The following LPP variants were observed in gnomAD, a reference collection of about 807,000 sequenced individuals.
LPP encodes the protein LIM domain containing preferred translocation partner in lipoma.
In LPP, 38 loss-of-function variants were observed where a neutral mutation model predicts 60.4. The ratio of observed to expected loss-of-function variants is 0.63; its 90% confidence interval spans 0.49 to 0.83. The LOEUF (loss-of-function observed/expected upper bound fraction) is 0.83, where lower values mean the gene tolerates loss of function less well. Among genes scored for constraint, LPP ranks in the 40% least tolerant of loss-of-function variants. The pLI, the probability that LPP is intolerant of heterozygous loss-of-function variation, is 0.00. For synonymous variants in LPP, 328 were observed against 290.8 expected, an observed-to-expected ratio of 1.13 and a Z score of -1.30; for missense variants, 902 against 783.6, an observed-to-expected ratio of 1.15 and a Z score of -1.80.
rs200315400 is a variant in LPP at position 188,269,635 on chromosome 3, C to CTT, written c.-67+44116_-67+44117dup. On this transcript the variant is annotated intron_variant, in intron 2 of 11. Transcript: ENST00000617246. ...GTTCTGATTGGCTAGCTGGTTGTGCCTTTTTTTTTATGTGTGTGTGTGTGT... is the reference window on the plus strand; with the variant it reads ...GTTCTGATTGGCTAGCTGGTTGTGCCTTTTTTTTTTTATGTGTGTGTGTGTGT... Among the ~76,000 whole-genome samples the CTT allele has an allele frequency of 6.8e-5, 9 of 132,968 alleles. No individual in the cohort carries two copies. In the South Asian group the frequency reaches 7.4e-4, roughly 11 times the overall value. 87.2% of individuals were successfully genotyped at this position (132,968 alleles called of 152,430 possible). A position where few individuals can be genotyped will look rare whatever the true frequency, so the allele number is the denominator to read the frequency against.
intron 9 of LPP, among the ~76,000 whole-genome samples, chr3:188,854,157 A>T (rs1403697003): frequency 6.6e-6 from 1 of 152,178 alleles, no homozygotes; most frequent in Non-Finnish European, 1.5e-5. Context: ...AGGAGAAAAC[A>T]TCTGTATTTC....
At chr3:188,664,635 G>A (rs182396917) in intron 7 of LPP, among the ~76,000 whole-genome samples, 1 of 152,152 alleles carries the variant, frequency 6.6e-6, no homozygotes, top group African/African-American at 2.4e-5. Flanking sequence ...GTGTGTGTGT[G>A]TGGAGAGAGA....
intron 2 of LPP, among the ~76,000 whole-genome samples, chr3:188,227,569 G>T (rs1718286464): frequency 6.6e-6 from 1 of 152,092 alleles, no homozygotes. Flanking sequence ...GTGAGTGGGT[G>T]ATTCTGCAAA....
chr3:188,605,700 T>C (rs1057342582), intron 6 of LPP, among the ~76,000 whole-genome samples: 1 of 152,152 alleles, frequency 6.6e-6, no homozygotes, highest in African/African-American at 2.4e-5. Context: ...TATTGAGCAA[T>C]ATATTGGGTA....
At chr3:188,389,258 G>A (rs1779109612) in intron 3 of LPP, among the ~76,000 whole-genome samples, 1 of 150,952 alleles carries the variant, frequency 6.6e-6, no homozygotes, top group Non-Finnish European at 1.5e-5. Flanking sequence ...CCAATACCCT[G>A]GAGAGCTTTG....
At chr3:188,251,341 A>G (rs925944987) in intron 2 of LPP, among the ~76,000 whole-genome samples, 1 of 151,808 alleles carries the variant, frequency 6.6e-6, no homozygotes, top group Non-Finnish European at 1.5e-5. Context: ...TTGGTCTTGT[A>G]TATTCTCTGT....
chr3:188,392,980 A>G (rs1026659452), intron 3 of LPP, among the ~76,000 whole-genome samples: 1 of 151,882 alleles, frequency 6.6e-6, no homozygotes, highest in African/African-American at 2.4e-5. Flanking sequence ...AATCCCTTCC[A>G]CCTTTACATT....
chr3:188,592,557 G>GTTGTTTGTTTTTTTTTTTTTTTTT (rs1553936334), intron 6 of LPP, among the ~76,000 whole-genome samples: 13 of 85,768 alleles, frequency 1.5e-4, no homozygotes, highest in East Asian at 4.8e-4. Flanking sequence ...TTTTGTTTTT[G>GTTGTTTGTTTTTTTTTTTTTTTTT]TTTTTTAAAT....
chr3:188,409,557 C>T (rs766559174), intron 4 of LPP, among the ~76,000 whole-genome samples: 1 of 152,014 alleles, frequency 6.6e-6, no homozygotes. Context: ...ATAACCATTC[C>T]TTTTCGTTTC....
chr3:188,607,945 T>G (rs1045296823), intron 6 of LPP, among the ~76,000 whole-genome samples: 15 of 152,196 alleles, frequency 9.9e-5, no homozygotes, highest in Non-Finnish European at 1.3e-4. Context: ...TTATGTGGTA[T>G]TTTTCCATTA....
At position 188,848,482 on chromosome 3, in the gene LPP, G is replaced by C. The variant is rs367988709; in HGVS notation, c.1411-17718G>C. Among the ~76,000 whole-genome samples, 4 of 123,596 alleles carry C rather than the reference G, an allele frequency of 3.2e-5. No individual in the cohort carries two copies. In the East Asian group the frequency reaches 7.7e-4, roughly 24 times the overall value. 81.1% of individuals were successfully genotyped at this position (123,596 alleles called of 152,430 possible). A position where few individuals can be genotyped will look rare whatever the true frequency, so the allele number is the denominator to read the frequency against. ...ATGGGCCAGTCAATAGCAGGGCAGC[G>C]TGTCAAGATGCTGGAGCAAGGAAGT... is the stretch of plus-strand genomic sequence containing the variant. On this transcript the variant is annotated intron_variant, in intron 9 of 11. Coordinates refer to ENST00000617246, the MANE Select transcript of LPP (RefSeq NM_001375462.1).
At chr3:188,653,465 T>G (rs553624317) in intron 7 of LPP, among the ~76,000 whole-genome samples, 3 of 151,964 alleles carry the variant, frequency 2.0e-5, no homozygotes, top group Non-Finnish European at 2.9e-5. Flanking sequence ...TATAGCACTG[T>G]TTTTTTTAAT....
chr3:188,267,002 GA>G (rs1735812855), intron 2 of LPP, among the ~76,000 whole-genome samples: 1 of 152,166 alleles, frequency 6.6e-6, no homozygotes, highest in Non-Finnish European at 1.5e-5. Context: ...CAGAAGAAGA[GA>G]AAAAGCATGT....
intron 10 of LPP, among the ~76,000 whole-genome samples, chr3:188,871,942 T>C (rs556347744): frequency 1.3e-5 from 2 of 152,324 alleles, no homozygotes; most frequent in Non-Finnish European, 2.9e-5. Context: ...TGTATGTGTG[T>C]TAGTATACAC....
In LPP at chr3:188,526,504, T is replaced by C. The variant is rs542313051; in HGVS notation, c.429+1717T>C. Among the ~76,000 whole-genome samples, 4 of 152,248 alleles carry C rather than the reference T, an allele frequency of 2.6e-5. No homozygotes were observed. In the East Asian group the frequency reaches 7.8e-4, roughly 30 times the overall value. ...TGGAGTTTCACCATGTTGGCCAGGC[T>C]TCTCTGGAACTCCTGACCTCAAGCG... On this transcript the variant is annotated intron_variant, in intron 6 of 11. Coordinates refer to ENST00000617246, the MANE Select transcript of LPP (RefSeq NM_001375462.1).
rs376902391 is a variant in LPP at position 188,471,743 on chromosome 3, A to T, written c.194-12849A>T. Among the ~76,000 whole-genome samples the T allele has an allele frequency of 5.4e-4, 83 of 152,326 alleles. 1 individual carries two copies. The South Asian group carries it at 0.016, about 29-fold the overall frequency. Reference sequence around the variant, plus strand: ...AATTATTCTGGGTCTTATTTTACTTATAAATGGTGTATTTATTTAGAATTG... The same window carrying T: ...AATTATTCTGGGTCTTATTTTACTTTTAAATGGTGTATTTATTTAGAATTG... On this transcript the variant is annotated intron_variant, in intron 4 of 11. Coordinates refer to ENST00000617246, the MANE Select transcript of LPP (RefSeq NM_001375462.1).
chr3:188,609,640 A>G lies in LPP; in HGVS notation c.909A>G (p.Ala303=), dbSNP rs375500166. 11 of 1,614,010 alleles carry G rather than the reference A, an allele frequency of 6.8e-6. No homozygotes were observed. The highest frequency in any genetic ancestry group is 8.5e-6 in the Non-Finnish European group (10 of 1,180,006). The change falls in exon 7 of 12, where the codon GCA becomes GCG. Residue 303 remains alanine, a synonymous_variant. Transcript: ENST00000617246. This position sits in a 1 kb window ranked among gnomAD's most constrained non-coding sequence, Gnocchi z 6.9. The part of the protein sequence containing the change: ...QGRYYEGYYA[A]GPGYGGRNDS... ...GCTATTATGAAGGCTACTATGCAGC[A>G]GGGCCAGGCTATGGGGGCAGAAATG...
rs1489518767 is a variant in LPP, at chr3:188,645,656, A to G, written c.1113+35812A>G. On this transcript the variant is annotated intron_variant, in intron 7 of 11. Coordinates refer to ENST00000617246, the MANE Select transcript of LPP (RefSeq NM_001375462.1). ...GCCAGTGCCCTCCTTTGTAACCCAG[A>G]GTAGCTTCAGATAAACCTACTGAGC... 2.0e-5 allele frequency among the ~76,000 whole-genome samples: 3 copies of G among 152,256 alleles called. No individual in the cohort carries two copies. In the East Asian group the frequency reaches 5.8e-4, roughly 29 times the overall value.
At chr3:188,272,013 G>T (rs1560184111) in intron 2 of LPP, among the ~76,000 whole-genome samples, 3 of 152,094 alleles carry the variant, frequency 2.0e-5, no homozygotes, top group Non-Finnish European at 4.4e-5. Flanking sequence ...CCTGGAAGCT[G>T]CTATAACACA....
Sources: gnomAD v4.1 joint callset for allele counts (sites outside exome capture counted in the v4.1 genomes callset) on GRCh38, gnomAD v4.1.1 for gene constraint, Gnocchi (gnomAD v3.1) non-coding constraint, MANE v1.5 for transcripts, NCBI Gene and HGNC (gene_info 2026-07-23, HGNC 2026-07-21) for gene names.